EFCAB13: variants seen among roughly 807,000 people sequenced by gnomAD.
EFCAB13 encodes EF-hand calcium-binding domain-containing protein 13.
A neutral mutation model predicts 110.2 loss-of-function variants in EFCAB13; 91 were observed. That is an observed-to-expected ratio of 0.83 (90% confidence interval 0.70 to 0.98). EFCAB13 has a LOEUF of 0.98. Ranked by LOEUF, EFCAB13 falls within the 50% of genes least tolerant of loss-of-function variation. The probability of loss-of-function intolerance (pLI) is 0.00; values close to 1 mark genes in which losing one functional copy is unlikely to be tolerated. For missense variants in EFCAB13, 968 were observed against 1,119.4 expected, an observed-to-expected ratio of 0.86 and a Z score of 1.93; for synonymous variants, 323 against 369.9, an observed-to-expected ratio of 0.87 and a Z score of 1.45.
intron 20 of EFCAB13, among the ~76,000 whole-genome samples, chr17:47,406,693 G>A (rs1411801990): frequency 1.3e-5 from 2 of 152,146 alleles, no homozygotes; most frequent in Non-Finnish European, 2.9e-5. Flanking sequence ...GACAGCTATA[G>A]AACTAGAACA....
At chr17:47,434,166 T>C (rs1905169239) in intron 24 of EFCAB13, among the ~76,000 whole-genome samples, 1 of 151,978 alleles carries the variant, frequency 6.6e-6, no homozygotes, top group African/African-American at 2.4e-5. Context: ...CCCTCAAGAT[T>C]CATCCAAAAA....
intron 17 of EFCAB13, among the ~76,000 whole-genome samples, chr17:47,401,638 G>A (rs1268700854): frequency 7.8e-6 from 1 of 128,632 alleles, no homozygotes; most frequent in Non-Finnish European, 1.6e-5. Context: ...AACTCAGCCT[G>A]ACTTTTTTTT....
At chr17:47,373,136 T>C (rs2065594736) in intron 11 of EFCAB13, among the ~76,000 whole-genome samples, 1 of 152,300 alleles carries the variant, frequency 6.6e-6, no homozygotes, top group East Asian at 1.9e-4. Flanking sequence ...CACCGCAGAC[T>C]ATATATTTTC....
At chr17:47,392,875 A>G (rs1034627424) in intron 15 of EFCAB13, among the ~76,000 whole-genome samples, 6 of 152,210 alleles carry the variant, frequency 3.9e-5, no homozygotes, top group Non-Finnish European at 8.8e-5. Context: ...TTGTTAAAAG[A>G]TACAACAAAG....
At chr17:47,377,006 A>G (rs1252275320) in intron 12 of EFCAB13, among the ~76,000 whole-genome samples, 1 of 152,230 alleles carries the variant, frequency 6.6e-6, no homozygotes, top group Non-Finnish European at 1.5e-5. Context: ...CATGACGTCT[A>G]TGTGTATTTG....
At position 47,424,874 on chromosome 17, in the gene EFCAB13, C is replaced by CTTTTTT. The variant is rs548271723; in HGVS notation, c.2495-4923_2495-4918dup. ...AGGATTTCTTTCTCCGGTTGACAAT[C>CTTTTTT]TTTTTTTTTTTTTTTTTTTTTTTTT... On this transcript the variant is annotated intron_variant, in intron 23 of 24. Coordinates refer to ENST00000331493, the MANE Select transcript of EFCAB13 (RefSeq NM_152347.5). Among the ~76,000 whole-genome samples the CTTTTTT allele has an allele frequency of 9.4e-3, 345 of 36,888 alleles. 102 individuals are homozygous for CTTTTTT. Among genetic ancestry groups the CTTTTTT allele is most frequent in the Middle Eastern group, 0.037 (2 of 54 alleles). 24.2% of individuals were successfully genotyped at this position (36,888 alleles called of 152,430 possible).
intron 24 of EFCAB13, among the ~76,000 whole-genome samples, chr17:47,435,586 C>T (rs1905196733): frequency 1.3e-5 from 2 of 152,000 alleles, no homozygotes; most frequent in African/African-American, 2.4e-5. Context: ...TGATTTGGTT[C>T]TCCACTTGGT....
At chr17:47,364,293 T>C (rs1006716610) in intron 10 of EFCAB13, among the ~76,000 whole-genome samples, 2 of 152,146 alleles carry the variant, frequency 1.3e-5, no homozygotes, top group African/African-American at 4.8e-5. Context: ...TTTTTCTATA[T>C]ATAAGATAGA....
intron 7 of EFCAB13, among the ~76,000 whole-genome samples, 184 bp downstream of exon 7, chr17:47,344,476 A>G (rs181318484): frequency 6.6e-6 from 1 of 152,228 alleles, no homozygotes; most frequent in Admixed American, 6.5e-5. Flanking sequence ...AGTCCGATTG[A>G]CCTAACATGC....
At chr17:47,371,062 G>GTTTTTT (rs779767798) in intron 11 of EFCAB13, among the ~76,000 whole-genome samples, 1 of 108,992 alleles carries the variant, frequency 9.2e-6, no homozygotes, top group Non-Finnish European at 1.8e-5. Context: ...TTTAATGGTT[G>GTTTTTT]TTTTTTTTTT....
Position 47,409,700 on chromosome 17 carries a change from GA to G in EFCAB13, c.2278+11del. The G allele has an allele frequency of 1.9e-6, 3 of 1,600,946 alleles. No individual in the cohort carries two copies. Among genetic ancestry groups the G allele is most frequent in the Non-Finnish European group, 2.6e-6 (3 of 1,168,632 alleles). On this transcript the variant is annotated intron_variant, in intron 21 of 24. Coordinates refer to ENST00000331493, the MANE Select transcript of EFCAB13 (RefSeq NM_152347.5). ...ATTACCAAAGGTAAACGGTGAGTAA[GA>G]ACTTTGTATATGAGAAAATTTTCAA...
chr17:47,325,929 T>TATATATATATC (rs1567776805), intron 2 of EFCAB13, among the ~76,000 whole-genome samples: 10 of 35,728 alleles, frequency 2.8e-4, no homozygotes, highest in Non-Finnish European at 2.7e-4. Context: ...ACAAAATATA[T>TATATATATATC]ATATATATAT....
rs1390455359 is a variant in EFCAB13 at position 47,429,927 on chromosome 17, A to G, written c.2604A>G (p.Ile868Met). ...AGGACCTTCATACAGCTAATGCTATACTTACTGTAATGTTAAGACATGTAC... is the reference window on the plus strand; with the variant it reads ...AGGACCTTCATACAGCTAATGCTATGCTTACTGTAATGTTAAGACATGTAC... Reference protein sequence around the residue: ...MDKDLHTANAILTVMLRHVPE... With the variant: ...MDKDLHTANAMLTVMLRHVPE... The change falls in exon 24 of 25, where the codon ATA (isoleucine) becomes ATG (methionine). Residue 868 changes from isoleucine (I) to methionine (M), a missense_variant. Physicochemically the swap from Ile to Met is conservative, Grantham distance 10. Transcript: ENST00000331493. 6.2e-7 allele frequency: 1 copy of G among 1,610,260 alleles called. No homozygotes were observed. The highest frequency in any genetic ancestry group is 8.5e-7 in the Non-Finnish European group (1 of 1,177,626).
rs902545293 is a variant in EFCAB13, at chr17:47,440,929, C to A, written c.*215C>A. 8.2e-6 allele frequency: 3 copies of A among 365,268 alleles called. No homozygotes were observed. Among genetic ancestry groups the A allele is most frequent in the East Asian group, 4.8e-5 (1 of 20,760 alleles). 22.6% of individuals were successfully genotyped at this position (365,268 alleles called of 1,614,324 possible). ...TTTTTGAGGTATAATGTACATATGG[C>A]AAAATTCACTCTTTTTAGGTATACA... On this transcript the variant is annotated 3_prime_UTR_variant, in exon 25 of 25. Coordinates refer to ENST00000331493, the MANE Select transcript of EFCAB13 (RefSeq NM_152347.5).
intron 10 of EFCAB13, among the ~76,000 whole-genome samples, chr17:47,363,664 G>A (rs2065529457): frequency 6.6e-6 from 1 of 152,162 alleles, no homozygotes; most frequent in Non-Finnish European, 1.5e-5. Context: ...GTAGTTGAAG[G>A]TGGTAGCAAA....
chr17:47,399,881 G>C (rs190236202), intron 17 of EFCAB13, among the ~76,000 whole-genome samples: 103 of 152,296 alleles, frequency 6.8e-4, no homozygotes, highest in Non-Finnish European at 1.1e-3. Flanking sequence ...GAGCTCTCTT[G>C]TTTCTTCTGA....
intron 21 of EFCAB13, among the ~76,000 whole-genome samples, chr17:47,411,243 C>G (rs2065832958): frequency 6.6e-6 from 1 of 152,126 alleles, no homozygotes; most frequent in Non-Finnish European, 1.5e-5. Context: ...ATCATTTCTG[C>G]ATTTGTATTT....
intron 20 of EFCAB13, among the ~76,000 whole-genome samples, chr17:47,407,858 A>G (rs1471842243): frequency 2.0e-5 from 3 of 152,158 alleles, no homozygotes; most frequent in South Asian, 2.1e-4. Context: ...ATTTCAAACT[A>G]TTTTACCAAG....
chr17:47,423,845 C>T (rs1446001368), intron 23 of EFCAB13, among the ~76,000 whole-genome samples: 2 of 151,772 alleles, frequency 1.3e-5, no homozygotes, highest in East Asian at 1.9e-4. Flanking sequence ...TGCTGGGCTC[C>T]GTGTAGACCT....
Sources: allele counts gnomAD v4.1 joint callset (sites outside exome capture counted in the v4.1 genomes callset), GRCh38; gene constraint gnomAD v4.1.1; transcripts MANE v1.5; gene names NCBI Gene and HGNC (gene_info 2026-07-23, HGNC 2026-07-21).